GRN: variants seen among roughly 807,000 people sequenced by gnomAD.
The protein encoded by GRN is progranulin.
Under a neutral mutation model 66.7 loss-of-function variants are expected in GRN, and 30 were observed. That is an observed-to-expected ratio of 0.45 (90% CI 0.34 to 0.61). The LOEUF is 0.61. Ranked by LOEUF, GRN falls within the 20% of genes least tolerant of loss-of-function variation. GRN has a pLI of 0.01. For missense variants in GRN, 731 were observed against 803.5 expected (o/e 0.91, Z 1.09); for synonymous variants, 327 against 311.1 (o/e 1.05, Z -0.54).
At position 44,349,497 on chromosome 17, in the gene GRN, C is replaced by T. The variant is rs1415871891; in HGVS notation, c.210C>T (p.Gly70=). The T allele has an allele frequency of 1.9e-6, 3 of 1,614,038 alleles. No homozygotes were observed. The highest frequency in any genetic ancestry group is 2.5e-6 in the Non-Finnish European group (3 of 1,180,016). Residue 70 remains glycine, a synonymous_variant, in exon 3 of 13, where the codon GGC becomes GGT. Coordinates refer to ENST00000053867, the MANE Select transcript of GRN (RefSeq NM_002087.4). The part of the protein sequence containing the change: ...PCQVDAHCSA[G]HSCIFTVSGT... Reference sequence around the variant, plus strand: ...AGGTTGATGCCCACTGCTCTGCCGGCCACTCCTGCATCTTTACCGTCTCAG... The same window carrying T: ...AGGTTGATGCCCACTGCTCTGCCGGTCACTCCTGCATCTTTACCGTCTCAG...
rs776972108 is a variant in GRN at position 44,352,790 on chromosome 17, C to T, written c.1774C>T (p.Leu592=). The T allele has an allele frequency of 6.2e-7, 1 of 1,611,496 alleles. No individual in the cohort carries two copies. The highest frequency in any genetic ancestry group is 8.5e-7 in the Non-Finnish European group (1 of 1,179,968). The change falls in exon 13 of 13, where the codon CTG becomes TTG. Residue 592 remains leucine, a synonymous_variant. Transcript: ENST00000053867. ...TTTGAGGGACCCAGCCTTGAGACAGCTGCTGTGAGGGACAGTACTGAAGAC... is the reference window on the plus strand; with the variant it reads ...TTTGAGGGACCCAGCCTTGAGACAGTTGCTGTGAGGGACAGTACTGAAGAC... ...APLRDPALRQ[L]L
chr17:44,350,188 C>T (rs1163637963), intron 4 of GRN, 40 bp from the exon 5 acceptor site: 4 of 1,379,476 alleles, frequency 2.9e-6, no homozygotes, highest in Non-Finnish European at 4.1e-6. Flanking sequence ...GTCACCTTCC[C>T]TGAGTGGGCT....
chr17:44,352,917 A>ACC lies in GRN; in HGVS notation c.*119_*120insCC. ...CCCTGGACCCCATTCTGAGCTCCCC[A>ACC]TCACCATGGGAGGTGGGGCCTCAAT... On this transcript the variant is annotated 3_prime_UTR_variant, in exon 13 of 13. Coordinates refer to ENST00000053867, the MANE Select transcript of GRN (RefSeq NM_002087.4). The ACC allele has an allele frequency of 1.0e-6, 1 of 972,008 alleles. No individual in the cohort carries two copies. The highest frequency in any genetic ancestry group is 1.6e-6 in the Non-Finnish European group (1 of 631,936). 60.2% of individuals were successfully genotyped at this position (972,008 alleles called of 1,614,324 possible). A position where few individuals can be genotyped will look rare whatever the true frequency, so the allele number is the denominator to read the frequency against.
At chr17:44,351,906 C>A in intron 10 of GRN, 109 bp from the exon 11 acceptor site, 2 of 1,483,604 alleles carry the variant, frequency 1.3e-6, no homozygotes, top group Non-Finnish European at 9.3e-7. Flanking sequence ...CAGATTCGTC[C>A]CCAGCTGGAG....
At position 44,349,720 on chromosome 17, in the gene GRN, T is replaced by C. The variant is rs2143328685; in HGVS notation, c.318T>C (p.Ser106=). The change falls in exon 4 of 13, where the codon AGT becomes AGC. Residue 106 remains serine, a synonymous_variant. Coordinates refer to ENST00000053867, the MANE Select transcript of GRN (RefSeq NM_002087.4). ...GCTGCCCACGGGGCTTCCACTGCAGTGCAGACGGGCGATCCTGCTTCCAAA... is the reference window on the plus strand; with the variant it reads ...GCTGCCCACGGGGCTTCCACTGCAGCGCAGACGGGCGATCCTGCTTCCAAA... The part of the protein sequence containing the change: ...HHCCPRGFHC[S]ADGRSCFQRS... 2 of 1,611,996 alleles carry C rather than the reference T, an allele frequency of 1.2e-6. No homozygotes were observed. Among genetic ancestry groups the C allele is most frequent in the East Asian group, 4.5e-5 (2 of 44,878 alleles).
intron 2 of GRN, 59 bp downstream of exon 2, chr17:44,349,361 T>C (rs747954585): frequency 1.9e-6 from 3 of 1,614,142 alleles, no homozygotes; most frequent in Non-Finnish European, 2.5e-6. Context: ...AAGGGTCATC[T>C]TGGATTGGCC....
At chr17:44,350,613 G>A in intron 6 of GRN, 36 bp downstream of exon 6, 1 of 1,612,624 alleles carries the variant, frequency 6.2e-7, no homozygotes, top group Non-Finnish European at 8.5e-7. Flanking sequence ...CAGGGGCTGG[G>A]GCGGGGCCTC....
chr17:44,347,938 A>AC, intron 1 of GRN, among the ~76,000 whole-genome samples: 1 of 143,046 alleles, frequency 7.0e-6, no homozygotes, highest in Non-Finnish European at 1.5e-5. Flanking sequence ...AAAAAAAAAA[A>AC]AAAAAAGGGG....
chr17:44,352,067 T>G lies in GRN; in HGVS notation c.1232T>G (p.Val411Gly). The G allele has an allele frequency of 6.2e-7, 1 of 1,613,150 alleles. No individual in the cohort carries two copies. The part of the protein sequence containing the change: ...QHCCPQGYTC[V>G]AEGQCQRGSE... The stretch of plus-strand genomic sequence containing the variant: ...TGCTGCCCCCAGGGCTACACGTGTG[T>G]AGCTGAGGGGCAGTGTCAGCGAGGA... The change falls in exon 11 of 13, where the codon GTA (valine) becomes GGA (glycine). Residue 411 changes from valine (V) to glycine (G), a missense_variant. By Grantham distance (109) the Val-to-Gly change is moderately radical. Coordinates refer to ENST00000053867, the MANE Select transcript of GRN (RefSeq NM_002087.4).
In GRN at chr17:44,350,249, T is replaced by A; in HGVS notation, c.371T>A (p.Ile124Asn). 1 of 1,613,550 alleles carries A rather than the reference T, an allele frequency of 6.2e-7. No homozygotes were observed. The highest frequency in any genetic ancestry group is 2.2e-5 in the East Asian group (1 of 44,866). The change falls in exon 5 of 13, where the codon ATC (isoleucine) becomes AAC (asparagine). Residue 124 changes from isoleucine (I) to asparagine (N), a missense_variant. By Grantham distance (149) the Ile-to-Asn change is moderately radical. Coordinates refer to ENST00000053867, the MANE Select transcript of GRN (RefSeq NM_002087.4). ...QRSGNNSVGA[I>N]QCPDSQFECP... Reference sequence around the variant, plus strand: ...ACAGGTAACAACTCCGTGGGTGCCATCCAGTGCCCTGATAGTCAGTTCGAA... The same window carrying A: ...ACAGGTAACAACTCCGTGGGTGCCAACCAGTGCCCTGATAGTCAGTTCGAA...
Position 44,351,056 on chromosome 17 carries a change from A to G in GRN, c.728A>G (p.His243Arg), listed in dbSNP as rs751278565. ...ACTCAGGCCACCTGCTGCTCCGATC[A>G]CCTGCACTGCTGCCCCCAAGACACT... ...PMPNATCCSD[H>R]LHCCPQDTVC... The change falls in exon 8 of 13, where the codon CAC becomes CGC. Residue 243 changes from histidine (H) to arginine (R), a missense_variant. By Grantham distance (29) the His-to-Arg change is conservative. Around this residue, in one of 3 missense-constraint regions of GRN, gnomAD observed 370 missense variants for 379.8 expected, o/e 0.97. Coordinates refer to ENST00000053867, the MANE Select transcript of GRN (RefSeq NM_002087.4). The G allele has an allele frequency of 3.1e-6, 5 of 1,613,936 alleles. No homozygotes were observed. In the South Asian group the frequency reaches 5.5e-5, roughly 18 times the overall value.
intron 2 of GRN, 35 bp downstream of exon 2, chr17:44,349,337 C>G (rs1598362676): frequency 6.2e-7 from 1 of 1,613,984 alleles, no homozygotes; most frequent in Non-Finnish European, 8.5e-7. Flanking sequence ...GAGCTGGCAG[C>G]CTGGGTTTTC....
chr17:44,352,844 G>C lies in GRN; in HGVS notation c.*46G>C. Reference sequence around the variant, plus strand: ...GCAGCCCTCGGGACCCCACTCGGAGGGTGCCCTCTGCTCAGGCCTCCCTAG... The same window carrying C: ...GCAGCCCTCGGGACCCCACTCGGAGCGTGCCCTCTGCTCAGGCCTCCCTAG... On this transcript the variant is annotated 3_prime_UTR_variant, in exon 13 of 13. Coordinates refer to ENST00000053867, the MANE Select transcript of GRN (RefSeq NM_002087.4). 1 of 1,593,826 alleles carries C rather than the reference G, an allele frequency of 6.3e-7. No individual in the cohort carries two copies. The highest frequency in any genetic ancestry group is 8.5e-7 in the Non-Finnish European group (1 of 1,170,770).
At chr17:44,349,121 C>T in intron 1 of GRN, 37 bp from the exon 2 acceptor site, 2 of 1,612,128 alleles carry the variant, frequency 1.2e-6, no homozygotes, top group South Asian at 1.1e-5. Context: ...GTGGCGTGGG[C>T]TTAAGCAGTT....
chr17:44,349,455 T>C lies in GRN; in HGVS notation c.168T>C (p.His56=). 1 of 1,614,158 alleles carries C rather than the reference T, an allele frequency of 6.2e-7. No individual in the cohort carries two copies. Among genetic ancestry groups the C allele is most frequent in the Non-Finnish European group, 8.5e-7 (1 of 1,180,006 alleles). The part of the protein sequence containing the change: ...LDKWPTTLSR[H]LGGPCQVDAH... Reference sequence around the variant, plus strand: ...AATGGCCCACAACACTGAGCAGGCATCTGGGTGGCCCCTGCCAGGTTGATG... The same window carrying C: ...AATGGCCCACAACACTGAGCAGGCACCTGGGTGGCCCCTGCCAGGTTGATG... The change falls in exon 3 of 13, where the codon CAT becomes CAC. Residue 56 remains histidine (H), a synonymous_variant. Coordinates refer to ENST00000053867, the MANE Select transcript of GRN (RefSeq NM_002087.4).
At chr17:44,350,883 TG>T in intron 7 of GRN, 83 bp downstream of exon 7, 2 of 1,400,476 alleles carry the variant, frequency 1.4e-6, no homozygotes, top group Non-Finnish European at 1.0e-6. Flanking sequence ...CTCTGTGGCA[TG>T]GGGCTGGCTG....
Position 44,352,576 on chromosome 17 carries a change from G to A in GRN, c.1644+5G>A. 1 of 1,612,918 alleles carries A rather than the reference G, an allele frequency of 6.2e-7. No individual in the cohort carries two copies. The highest frequency in any genetic ancestry group is 8.5e-7 in the Non-Finnish European group (1 of 1,179,966). ...GCCTGCTGTCCCTACCGCCAGGTCA[G>A]TGCCAACCCCCATCCTGGGGCTGGG... On this transcript the variant is annotated splice_donor_5th_base_variant and intron_variant, in intron 12 of 12. Coordinates refer to ENST00000053867, the MANE Select transcript of GRN (RefSeq NM_002087.4).
intron 3 of GRN, 46 bp downstream of exon 3, chr17:44,349,597 T>C: frequency 6.2e-7 from 1 of 1,613,432 alleles, no homozygotes; most frequent in Non-Finnish European, 8.5e-7. Context: ...TCTGCATTTA[T>C]GCTTTTCCTG....
chr17:44,351,879 G>A, intron 10 of GRN, 84 bp downstream of exon 10: 1 of 1,519,568 alleles, frequency 6.6e-7, no homozygotes, highest in Admixed American at 1.7e-5. Context: ...TAGCCCATAG[G>A]TGATACCCAG....
Sources: allele counts gnomAD v4.1 joint callset (sites outside exome capture counted in the v4.1 genomes callset), GRCh38; gene constraint gnomAD v4.1.1; regional missense constraint gnomAD v4.1.1; transcripts MANE v1.5; gene names NCBI Gene and HGNC (gene_info 2026-07-23, HGNC 2026-07-21).